The following PCDHGB2 variants were observed in gnomAD, a reference collection of about 807,000 sequenced individuals.
PCDHGB2 encodes the protein protocadherin gamma-B2.
A neutral mutation model predicts 59.3 loss-of-function variants in PCDHGB2; 55 were observed. The observed-to-expected ratio is 0.93, with a 90% CI of 0.75 to 1.16. PCDHGB2 has a LOEUF of 1.16. Ranked by LOEUF, PCDHGB2 falls within the 50% of genes most tolerant of loss-of-function variation. The pLI is 0.00. For synonymous variants in PCDHGB2, 516 were observed against 512.0 expected (o/e 1.01, Z -0.11); for missense variants, 1,228 against 1,198.5 (o/e 1.02, Z -0.36).
At chr5:141,413,500 A>C (rs1422297029) in intron 1 of PCDHGB2, 2 of 1,614,034 alleles carry the variant, frequency 1.2e-6, no homozygotes, top group South Asian at 1.1e-5. Flanking sequence ...GTGCGTGGTG[A>C]GTTTTAATAT....
intron 1 of PCDHGB2, chr5:141,389,450 G>C: frequency 6.2e-7 from 1 of 1,610,530 alleles, no homozygotes; most frequent in Non-Finnish European, 8.5e-7. Context: ...ACCACGAGCA[G>C]CTGCGCGCCT....
chr5:141,361,562 C>T lies in PCDHGB2; in HGVS notation c.1427C>T (p.Ala476Val). The T allele has an allele frequency of 1.9e-6, 3 of 1,614,074 alleles. No individual in the cohort carries two copies. The highest frequency in any genetic ancestry group is 2.5e-6 in the Non-Finnish European group (3 of 1,179,906). Reference sequence around the variant, plus strand: ...GGCGCCTCTATCGCTCAAATCAGTGCCTCTGACCCTGACTTGGGCCCCAGT... The same window carrying T: ...GGCGCCTCTATCGCTCAAATCAGTGTCTCTGACCCTGACTTGGGCCCCAGT... Reference protein sequence around the residue: ...PPGASIAQISASDPDLGPSGQ... With the variant: ...PPGASIAQISVSDPDLGPSGQ... Residue 476 changes from alanine to valine, a missense_variant, in exon 1 of 4, where the codon GCC (alanine) becomes GTC (valine). Around this residue, in one of 3 missense-constraint regions of PCDHGB2, gnomAD observed 781 missense variants for 721.6 expected, o/e 1.08. Transcript: ENST00000522605.
chr5:141,424,504 G>A (rs1357608806), intron 1 of PCDHGB2: 2 of 152,134 alleles, frequency 1.3e-5, no homozygotes, highest in East Asian at 1.9e-4. Flanking sequence ...TGTATGGAAG[G>A]TTTTTTAATG....
At position 141,432,688 on chromosome 5, in the gene PCDHGB2, A is replaced by G. The variant is rs143889434; in HGVS notation, c.2422-62119A>G. On this transcript the variant is annotated intron_variant, in intron 1 of 3. Coordinates refer to ENST00000522605, the MANE Select transcript of PCDHGB2 (RefSeq NM_018923.3). The surrounding 1 kb of genome is among the most constrained non-coding windows in gnomAD (Gnocchi z 6.0). ...GAGACGCGCTCAAGCAGAGCCTCGT[A>G]GTGGCCGTCCAGGACCACGGCCAGC... 2,218 of 1,613,894 alleles carry G rather than the reference A, an allele frequency of 1.4e-3. 31 individuals are homozygous for G. The African/African-American group carries it at 0.023, about 17-fold the overall frequency.
chr5:141,393,874 G>C, intron 1 of PCDHGB2: 1 of 1,613,944 alleles, frequency 6.2e-7, no homozygotes. Context: ...TCTTTGTTTA[G>C]CCCAGTGTTA....
At chr5:141,460,043 A>G (rs527752346) in intron 1 of PCDHGB2, among the ~76,000 whole-genome samples, 1 of 152,276 alleles carries the variant, frequency 6.6e-6, no homozygotes, top group South Asian at 2.1e-4. Context: ...GCACCACTGC[A>G]CTCCAGCCTG....
intron 1 of PCDHGB2, chr5:141,370,892 G>A: frequency 6.2e-7 from 1 of 1,613,936 alleles, no homozygotes; most frequent in Non-Finnish European, 8.5e-7. Context: ...GTGTCAATTC[G>A]CTGCAGCAGT....
At chr5:141,394,159 C>T in intron 1 of PCDHGB2, 1 of 1,613,916 alleles carries the variant, frequency 6.2e-7, no homozygotes, top group Non-Finnish European at 8.5e-7. Context: ...AACGACAACC[C>T]TCCTACTTTC....
At position 141,432,319 on chromosome 5, in the gene PCDHGB2, C is replaced by A; in HGVS notation, c.2422-62488C>A. The A allele has an allele frequency of 6.2e-7, 1 of 1,614,264 alleles. No individual in the cohort carries two copies. Among genetic ancestry groups the A allele is most frequent in the South Asian group, 1.1e-5 (1 of 91,088 alleles). ...GGGTACTGTATGCGCTGAGCTCCTTCGACTACGAGCAGTTCCGAGACTTGC... is the reference window on the plus strand; with the variant it reads ...GGGTACTGTATGCGCTGAGCTCCTTAGACTACGAGCAGTTCCGAGACTTGC... On this transcript the variant is annotated intron_variant, in intron 1 of 3. Transcript: ENST00000522605. The surrounding 1 kb of genome is among the most constrained non-coding windows in gnomAD (Gnocchi z 6.0).
intron 1 of PCDHGB2, among the ~76,000 whole-genome samples, chr5:141,457,343 T>C (rs1372992422): frequency 6.6e-6 from 1 of 152,240 alleles, no homozygotes; most frequent in African/African-American, 2.4e-5. Flanking sequence ...TTACTTACTT[T>C]CATTACCTGG....
At chr5:141,418,489 G>C (rs774653264) in intron 1 of PCDHGB2, 26 of 1,613,874 alleles carry the variant, frequency 1.6e-5, no homozygotes, top group Admixed American at 1.5e-4. Context: ...CTCACCACTT[G>C]GTACTGACCG....
chr5:141,370,747 A>T (rs780618979), intron 1 of PCDHGB2: 2 of 1,613,952 alleles, frequency 1.2e-6, no homozygotes, highest in Non-Finnish European at 1.7e-6. Flanking sequence ...AACTTTTTTC[A>T]TGTAACTGTG....
chr5:141,372,395 C>G (rs1768730158), intron 1 of PCDHGB2: 1 of 1,613,942 alleles, frequency 6.2e-7, no homozygotes, highest in Admixed American at 1.7e-5. Context: ...TCGCAGATAG[C>G]TTGCAAGAGA....
At chr5:141,496,050 G>A (rs1232836015) in intron 2 of PCDHGB2, among the ~76,000 whole-genome samples, 2 of 149,892 alleles carry the variant, frequency 1.3e-5, no homozygotes, top group Non-Finnish European at 3.0e-5. Flanking sequence ...ATTTTTTTGT[G>A]CTTGTGGGCA....
Position 141,431,789 on chromosome 5 carries a change from G to A in PCDHGB2, c.2422-63018G>A, listed in dbSNP as rs760507500. On this transcript the variant is annotated intron_variant, in intron 1 of 3. Coordinates refer to ENST00000522605, the MANE Select transcript of PCDHGB2 (RefSeq NM_018923.3). This position sits in a 1 kb window ranked among gnomAD's most constrained non-coding sequence, Gnocchi z 4.8. ...CACTGTTCTGGACGTGAACGACAATGCCCCAGAAGTGGTCCTCACCTCTCT... is the reference window on the plus strand; with the variant it reads ...CACTGTTCTGGACGTGAACGACAATACCCCAGAAGTGGTCCTCACCTCTCT... 7.4e-6 allele frequency: 12 copies of A among 1,614,096 alleles called. No homozygotes were observed. The highest frequency in any genetic ancestry group is 5.9e-6 in the Non-Finnish European group (7 of 1,180,042).
chr5:141,449,040 C>A (rs1333983931), intron 1 of PCDHGB2, among the ~76,000 whole-genome samples: 2 of 152,126 alleles, frequency 1.3e-5, no homozygotes, highest in Non-Finnish European at 2.9e-5. Flanking sequence ...GGATTATTAA[C>A]CAGTCTCATA....
At chr5:141,423,448 T>A (rs780751840) in intron 1 of PCDHGB2, 1 of 1,613,992 alleles carries the variant, frequency 6.2e-7, no homozygotes, top group East Asian at 2.2e-5. Context: ...CACGTCACAT[T>A]TTGTAGGCGT....
chr5:141,430,395 A>C (rs1461176471), intron 1 of PCDHGB2, among the ~76,000 whole-genome samples: 1 of 152,096 alleles, frequency 6.6e-6, no homozygotes, highest in Non-Finnish European at 1.5e-5. Context: ...AAAAAAAAAA[A>C]AGCTCACTAA....
intron 1 of PCDHGB2, among the ~76,000 whole-genome samples, chr5:141,430,066 G>A (rs550834063): frequency 4.1e-4 from 62 of 152,102 alleles, no homozygotes; most frequent in Non-Finnish European, 8.4e-4. Flanking sequence ...TCATTTTTAG[G>A]TTTCCATAAT....
Sources: gnomAD v4.1 joint callset for allele counts (sites outside exome capture counted in the v4.1 genomes callset) on GRCh38, gnomAD v4.1.1 for gene constraint, gnomAD v4.1.1 regional missense constraint, Gnocchi (gnomAD v3.1) non-coding constraint, MANE v1.5 for transcripts, NCBI Gene and HGNC (gene_info 2026-07-23, HGNC 2026-07-21) for gene names.